Variants in TTLL9 observed in about 807,000 individuals in gnomAD.
TTLL9 encodes tubulin tyrosine ligase like 9, also known as probable tubulin polyglutamylase TTLL9.
A neutral mutation model predicts 65.6 loss-of-function variants in TTLL9; 47 were observed. The ratio of observed to expected loss-of-function variants is 0.72; its 90% CI spans 0.57 to 0.91. The LOEUF (loss-of-function observed/expected upper bound fraction) is 0.91, where lower values mean the gene tolerates loss of function less well. Among genes scored for constraint, TTLL9 ranks in the 40% least tolerant of loss-of-function variants. TTLL9 has a pLI of 0.00. For missense variants in TTLL9, 537 were observed against 568.8 expected, an observed-to-expected ratio of 0.94 and a Z score of 0.57; for synonymous variants, 179 against 204.8, an observed-to-expected ratio of 0.87 and a Z score of 1.07.
At chr20:31,939,451 GAA>G (rs1375343800) in intron 14 of TTLL9, 185 bp downstream of exon 14, 1 of 564,744 alleles carries the variant, frequency 1.8e-6, no homozygotes, top group East Asian at 3.4e-5. Context: ...TCTAAAAAGT[GAA>G]AACTTTCCCT....
At chr20:31,909,966 C>G (rs1422318636) in intron 6 of TTLL9, 44 bp downstream of exon 6, 3 of 1,573,054 alleles carry the variant, frequency 1.9e-6, no homozygotes, top group Non-Finnish European at 2.6e-6. Flanking sequence ...GAATGAGTCC[C>G]AGGTGCCATA....
rs773734889 is a variant in TTLL9 at position 31,933,898 on chromosome 20, C to T, written c.807+40C>T. On this transcript the variant is annotated intron_variant, in intron 11 of 14. Coordinates refer to ENST00000535842, the MANE Select transcript of TTLL9 (RefSeq NM_001008409.5). ...CTCGGCTATGCACGGGTACAGCCCTCTGGCGCCAGGTCGGGGTGGGGAGGG... is the reference window on the plus strand; with the variant it reads ...CTCGGCTATGCACGGGTACAGCCCTTTGGCGCCAGGTCGGGGTGGGGAGGG... The T allele has an allele frequency of 6.9e-6, 11 of 1,592,230 alleles. No homozygotes were observed. The South Asian group carries it at 9.1e-5, about 13-fold the overall frequency.
In TTLL9 at chr20:31,944,804, A is replaced by T. The variant is rs1204030574; in HGVS notation, c.*1783A>T. On this transcript the variant is annotated 3_prime_UTR_variant, in exon 15 of 15. Transcript: ENST00000535842. ...AGCCAAGGAGCGGGGGGACCAGGAGAGGTGTGCCCCTGCCATGCTGCCATT... is the reference window on the plus strand; with the variant it reads ...AGCCAAGGAGCGGGGGGACCAGGAGTGGTGTGCCCCTGCCATGCTGCCATT... The T allele has an allele frequency of 6.6e-6, 1 of 152,210 alleles. No homozygotes were observed. Among genetic ancestry groups the T allele is most frequent in the Non-Finnish European group, 1.5e-5 (1 of 68,046 alleles). 9.4% of individuals were successfully genotyped at this position (152,210 alleles called of 1,614,324 possible).
chr20:31,898,872 A>G (rs953727497), intron 4 of TTLL9, among the ~76,000 whole-genome samples: 1 of 152,264 alleles, frequency 6.6e-6, no homozygotes, highest in African/African-American at 2.4e-5. Flanking sequence ...TGTGGTTTTC[A>G]GTAGAAACTA....
intron 1 of TTLL9, 44 bp from the exon 2 acceptor site, chr20:31,871,078 C>A: frequency 6.4e-7 from 1 of 1,560,754 alleles, no homozygotes; most frequent in Non-Finnish European, 8.8e-7. Context: ...CCCATCCATT[C>A]ATCCATCCTC....
rs976080082 is a variant in TTLL9 at position 31,899,996 on chromosome 20, G to A, written c.206+1431G>A. Among the ~76,000 whole-genome samples the A allele has an allele frequency of 3.3e-5, 5 of 152,118 alleles. No individual in the cohort carries two copies. The East Asian group carries it at 5.8e-4, about 18-fold the overall frequency. ...AGGATGGTCTTGATCTCCTGACCTC[G>A]TGATCCGCCCTCCTCGGCCTCCTGA... On this transcript the variant is annotated intron_variant, in intron 4 of 14. Transcript: ENST00000535842.
At chr20:31,912,554 G>C (rs568757213) in intron 6 of TTLL9, among the ~76,000 whole-genome samples, 1 of 151,910 alleles carries the variant, frequency 6.6e-6, no homozygotes, top group Non-Finnish European at 1.5e-5. Flanking sequence ...AGCAGTCAGG[G>C]TTCTCCAGAG....
At chr20:31,898,806 G>A (rs2063426564) in intron 4 of TTLL9, among the ~76,000 whole-genome samples, 1 of 152,230 alleles carries the variant, frequency 6.6e-6, no homozygotes, top group African/African-American at 2.4e-5. Context: ...ATTGCTTAAG[G>A]TCACACAGCA....
At chr20:31,885,966 T>C (rs778753422) in intron 2 of TTLL9, among the ~76,000 whole-genome samples, 1 of 152,264 alleles carries the variant, frequency 6.6e-6, no homozygotes, top group South Asian at 2.1e-4. Flanking sequence ...AGGCAGCCTC[T>C]AGGAGCTGAG....
chr20:31,938,306 C>T (rs2064152101), intron 13 of TTLL9: 3 of 429,332 alleles, frequency 7.0e-6, no homozygotes, highest in African/African-American at 6.1e-5. Context: ...GGGTCAACCC[C>T]ATGTGAGCCA....
At chr20:31,937,565 C>A in intron 13 of TTLL9, 56 bp downstream of exon 13, 1 of 1,437,594 alleles carries the variant, frequency 7.0e-7, no homozygotes. Context: ...GAGGCTCCCA[C>A]CAAGGAAGAG....
chr20:31,907,228 C>G (rs2063571054), intron 4 of TTLL9, among the ~76,000 whole-genome samples: 1 of 152,172 alleles, frequency 6.6e-6, no homozygotes, highest in South Asian at 2.1e-4. Flanking sequence ...CCTCCATTTT[C>G]TCATCTGTAA....
At chr20:31,905,669 A>T (rs1000801230) in intron 4 of TTLL9, among the ~76,000 whole-genome samples, 1 of 152,186 alleles carries the variant, frequency 6.6e-6, no homozygotes, top group African/African-American at 2.4e-5. Context: ...GCCCCTCTGC[A>T]CATGGTGTGA....
Position 31,909,961 on chromosome 20 carries a change from A to G in TTLL9, c.504+39A>G, listed in dbSNP as rs1000877374. On this transcript the variant is annotated intron_variant, in intron 6 of 14. Transcript: ENST00000535842. ...GCCAGGGGCTGGGTGGGAGGGAATG[A>G]GTCCCAGGTGCCATAGCAGGGATCA... The G allele has an allele frequency of 2.6e-6, 4 of 1,560,434 alleles. No individual in the cohort carries two copies. The African/African-American group carries it at 5.4e-5, about 21-fold the overall frequency.
chr20:31,934,654 C>G (rs1372493066), intron 11 of TTLL9, 38 bp from the exon 12 acceptor site: 2 of 1,571,704 alleles, frequency 1.3e-6, no homozygotes, highest in Non-Finnish European at 1.7e-6. Flanking sequence ...TCCTGACTAA[C>G]TGAGGCTCCT....
chr20:31,925,872 G>A (rs951298119), intron 9 of TTLL9, 177 bp from the exon 10 acceptor site: 1 of 1,551,512 alleles, frequency 6.4e-7, no homozygotes, highest in Non-Finnish European at 8.7e-7. Flanking sequence ...CTCTGCCTTA[G>A]TACATCCCGC....
chr20:31,924,905 G>A, intron 8 of TTLL9, 104 bp from the exon 9 acceptor site: 1 of 1,275,914 alleles, frequency 7.8e-7, no homozygotes, highest in Non-Finnish European at 1.1e-6. Context: ...GGAGCTTCAT[G>A]AAGGCGGGGT....
chr20:31,893,684 A>G (rs1268412822), intron 3 of TTLL9, among the ~76,000 whole-genome samples: 1 of 132,014 alleles, frequency 7.6e-6, no homozygotes, highest in Non-Finnish European at 1.7e-5. Context: ...TTTTTTTTTT[A>G]AGACTGTTCT....
chr20:31,925,844 C>T lies in TTLL9; in HGVS notation c.706-205C>T, dbSNP rs552776128. ...TGCCTGTATATATTCCCTTTCCCTT[C>T]TCTCTCTCTCTTCCCACCTCTGCCT... On this transcript the variant is annotated intron_variant, in intron 9 of 14. Transcript: ENST00000535842. 5 of 1,340,062 alleles carry T rather than the reference C, an allele frequency of 3.7e-6. No homozygotes were observed. The South Asian group carries it at 6.8e-5, about 18-fold the overall frequency. 83.0% of individuals were successfully genotyped at this position (1,340,062 alleles called of 1,614,324 possible). A position where few individuals can be genotyped will look rare whatever the true frequency, so the allele number is the denominator to read the frequency against.
Sources: allele counts gnomAD v4.1 joint callset (sites outside exome capture counted in the v4.1 genomes callset), GRCh38; gene constraint gnomAD v4.1.1; transcripts MANE v1.5; gene names NCBI Gene and HGNC (gene_info 2026-07-23, HGNC 2026-07-21).